PVT1: variants seen among roughly 807,000 people sequenced by gnomAD.
PVT1 encodes the protein Pvt1 oncogene.
intron 4 of PVT1, among the ~76,000 whole-genome samples, chr8:128,058,163 C>T (rs1484684216): frequency 1.3e-5 from 2 of 152,172 alleles, no homozygotes; most frequent in Admixed American, 1.3e-4. Flanking sequence ...CAGTGCATAA[C>T]CCAGTTCCTA....
chr8:128,041,577 T>C (rs1364215940), intron 4 of PVT1, among the ~76,000 whole-genome samples: 5 of 148,368 alleles, frequency 3.4e-5, no homozygotes, highest in Non-Finnish European at 7.4e-5. Context: ...TGTGTGTGTG[T>C]TTGTGTGTGT....
chr8:127,994,872 G>A (rs1817087609), intron 4 of PVT1, among the ~76,000 whole-genome samples: 1 of 152,314 alleles, frequency 6.6e-6, no homozygotes, highest in African/African-American at 2.4e-5. Context: ...GTGCCTTTCT[G>A]TTCTATTCAG....
chr8:128,008,221 A>G lies in PVT1; in HGVS notation n.912+18930A>G, dbSNP rs116731228. On this transcript the variant is annotated intron_variant and non_coding_transcript_variant, in intron 4 of 10. Transcript: ENST00000651587. ...TTTTTAATGATCATTAGGCTTTTGT[A>G]GTTACTGTGAAATTTTGTTTACGTG... 9.0e-3 allele frequency among the ~76,000 whole-genome samples: 1,367 copies of G among 152,282 alleles called. 22 individuals are homozygous for G. Among genetic ancestry groups the G allele is most frequent in the African/African-American group, 0.031 (1,302 of 41,554 alleles).
chr8:127,991,901 G>A (rs1378326017), intron 4 of PVT1, among the ~76,000 whole-genome samples: 1 of 152,116 alleles, frequency 6.6e-6, no homozygotes, highest in African/African-American at 2.4e-5. Flanking sequence ...ACACCAATAG[G>A]AGGGCATCCT....
intron 4 of PVT1, among the ~76,000 whole-genome samples, chr8:128,027,560 T>G (rs1263241848): frequency 6.6e-6 from 1 of 152,184 alleles, no homozygotes; most frequent in Non-Finnish European, 1.5e-5. Flanking sequence ...CCAGAGTCAG[T>G]GATGGAATCA....
intron 4 of PVT1, among the ~76,000 whole-genome samples, chr8:128,040,095 G>C (rs771774549): frequency 6.6e-5 from 10 of 152,180 alleles, no homozygotes; most frequent in Non-Finnish European, 1.0e-4. Context: ...ACAGTAAGGA[G>C]GCAGCTGCAT....
chr8:127,874,630 G>A (rs925579680), intron 2 of PVT1, among the ~76,000 whole-genome samples: 1 of 152,196 alleles, frequency 6.6e-6, no homozygotes, highest in Non-Finnish European at 1.5e-5. Context: ...CAGTGTCTCT[G>A]ATCTGAAATG....
intron 3 of PVT1, chr8:127,948,142 C>T (rs538000399): frequency 2.7e-5 from 10 of 365,754 alleles, no homozygotes; most frequent in African/African-American, 1.3e-4. Context: ...AGTGACTTCC[C>T]GTCTGTTTTA....
chr8:127,905,533 C>A (rs1409925176), intron 3 of PVT1, among the ~76,000 whole-genome samples: 1 of 152,180 alleles, frequency 6.6e-6, no homozygotes, highest in Non-Finnish European at 1.5e-5. Context: ...TTGGTCATTT[C>A]TGAGTTGAGC....
At chr8:127,910,891 GTT>G (rs1491384185) in intron 3 of PVT1, among the ~76,000 whole-genome samples, 11 of 131,700 alleles carry the variant, frequency 8.4e-5, no homozygotes, top group African/African-American at 2.2e-4. Context: ...GTGTGTGTGT[GTT>G]TGTGTGTGTG....
At chr8:128,063,561 C>G (rs1466709920) in intron 4 of PVT1, among the ~76,000 whole-genome samples, 1 of 152,100 alleles carries the variant, frequency 6.6e-6, no homozygotes, top group African/African-American at 2.4e-5. Flanking sequence ...CAGACACACA[C>G]ACACACACAT....
intron 4 of PVT1, among the ~76,000 whole-genome samples, chr8:128,002,493 G>T (rs1169888738): frequency 6.6e-6 from 1 of 152,252 alleles, no homozygotes; most frequent in African/African-American, 2.4e-5. Context: ...GTGGAAGCCA[G>T]AAGTCTGAAA....
At chr8:127,922,408 C>G (rs1475749196) in intron 3 of PVT1, among the ~76,000 whole-genome samples, 2 of 151,746 alleles carry the variant, frequency 1.3e-5, no homozygotes, top group Non-Finnish European at 2.9e-5. Context: ...CCCTCTCCCC[C>G]ATATGCTACA....
At chr8:128,015,994 A>G (rs1471418357) in intron 4 of PVT1, among the ~76,000 whole-genome samples, 1 of 152,140 alleles carries the variant, frequency 6.6e-6, no homozygotes, top group Non-Finnish European at 1.5e-5. Flanking sequence ...TTCACTTGCC[A>G]GGGATAAGTT....
chr8:127,856,547 G>C (rs1033229498), intron 2 of PVT1, among the ~76,000 whole-genome samples: 1 of 151,834 alleles, frequency 6.6e-6, no homozygotes, highest in African/African-American at 2.4e-5. Flanking sequence ...CTCCATGTTG[G>C]TCAGGCTGGT....
chr8:127,926,796 T>C (rs1288918181), intron 3 of PVT1, among the ~76,000 whole-genome samples: 1 of 152,200 alleles, frequency 6.6e-6, no homozygotes, highest in Non-Finnish European at 1.5e-5. Context: ...GACTTGGAGA[T>C]CCTTGGCCTG....
intron 2 of PVT1, among the ~76,000 whole-genome samples, chr8:127,876,633 A>G (rs1420915986): frequency 6.6e-6 from 1 of 151,874 alleles, no homozygotes; most frequent in African/African-American, 2.4e-5. Context: ...TGGCCCCTCC[A>G]GTTCTGAAGG....
intron 3 of PVT1, among the ~76,000 whole-genome samples, chr8:127,938,731 CT>C (rs1289684478): frequency 6.6e-6 from 1 of 152,186 alleles, no homozygotes; most frequent in Non-Finnish European, 1.5e-5. Flanking sequence ...AGATTCCAGT[CT>C]GTTTTTACTA....
chr8:127,850,428 T>C (rs1815095471), intron 2 of PVT1, among the ~76,000 whole-genome samples: 1 of 152,324 alleles, frequency 6.6e-6, no homozygotes, highest in Non-Finnish European at 1.5e-5. Flanking sequence ...CTTTTGGTTA[T>C]GATGCCACGG....
Sources: gnomAD v4.1 joint callset for allele counts (sites outside exome capture counted in the v4.1 genomes callset) on GRCh38, gnomAD v4.1.1 for gene constraint, MANE v1.5 for transcripts, NCBI Gene and HGNC (gene_info 2026-07-23, HGNC 2026-07-21) for gene names.